The following CNTLN variants were observed in gnomAD, a reference collection of about 807,000 sequenced individuals.
CNTLN encodes centlein.
In CNTLN, 212 loss-of-function variants were observed where a neutral mutation model predicts 180.0. The observed-to-expected ratio is 1.18, with a 90% confidence interval of 1.05 to 1.32. The LOEUF is 1.32. CNTLN is among the 40% of genes most tolerant of loss of function. The pLI is 0.00. For synonymous variants in CNTLN, 722 were observed against 563.1 expected (o/e 1.28, Z -3.99); for missense variants, 2,095 against 1,610.9 (o/e 1.30, Z -5.14).
chr9:17,419,939 G>T (rs915327324), intron 18 of CNTLN, among the ~76,000 whole-genome samples: 8 of 152,116 alleles, frequency 5.3e-5, no homozygotes, highest in Non-Finnish European at 1.2e-4. Context: ...TTTTGAGACG[G>T]AGTCTCACTC....
At chr9:17,137,227 G>A (rs1817781194) in intron 1 of CNTLN, among the ~76,000 whole-genome samples, 1 of 152,112 alleles carries the variant, frequency 6.6e-6, no homozygotes, top group African/African-American at 2.4e-5. Flanking sequence ...TGATCTCTTA[G>A]ATTTTGTAAT....
intron 19 of CNTLN, among the ~76,000 whole-genome samples, chr9:17,461,330 C>G (rs1224185347): frequency 6.6e-6 from 1 of 151,572 alleles, no homozygotes; most frequent in Non-Finnish European, 1.5e-5. Context: ...ACTAGTGTGA[C>G]TAGTGTGGAA....
At chr9:17,381,942 A>G (rs1188826101) in intron 13 of CNTLN, among the ~76,000 whole-genome samples, 1 of 152,200 alleles carries the variant, frequency 6.6e-6, no homozygotes, top group Non-Finnish European at 1.5e-5. Context: ...TTCTAGGCTC[A>G]TTTATACCCA....
intron 25 of CNTLN, among the ~76,000 whole-genome samples, chr9:17,489,563 TA>T (rs977223253): frequency 1.3e-5 from 2 of 151,602 alleles, no homozygotes; most frequent in African/African-American, 4.9e-5. Context: ...TGCTTTCTGT[TA>T]AAAAAAATAT....
intron 21 of CNTLN, among the ~76,000 whole-genome samples, chr9:17,465,240 T>C (rs1831680473): frequency 6.6e-6 from 1 of 150,550 alleles, no homozygotes; most frequent in South Asian, 2.1e-4. Context: ...TTGTTGAAAA[T>C]GAAAATTTAA....
intron 2 of CNTLN, among the ~76,000 whole-genome samples, chr9:17,151,979 C>G (rs139431532): frequency 6.6e-6 from 1 of 151,916 alleles, no homozygotes; most frequent in Non-Finnish European, 1.5e-5. Context: ...TGATGGTAGT[C>G]TGTATTTCTT....
chr9:17,466,244 G>A (rs946742003), intron 22 of CNTLN, 126 bp downstream of exon 22: 1 of 737,998 alleles, frequency 1.4e-6, no homozygotes, highest in African/African-American at 1.8e-5. Context: ...TAAGTGCAAA[G>A]AGGATTTGTA....
intron 7 of CNTLN, chr9:17,301,194 C>T (rs1356540294): frequency 2.0e-6 from 2 of 985,274 alleles, no homozygotes; most frequent in African/African-American, 3.5e-5. Context: ...CAGAAATTCC[C>T]TAGTGTATGT....
intron 2 of CNTLN, among the ~76,000 whole-genome samples, chr9:17,154,896 C>G (rs140187372): frequency 0.014 from 2,191 of 152,290 alleles, 55 homozygotes; most frequent in African/African-American, 0.051. Context: ...AAGCTGTGTT[C>G]TTTTGCTCTT....
At chr9:17,201,335 G>T (rs1006336186) in intron 2 of CNTLN, among the ~76,000 whole-genome samples, 1 of 152,172 alleles carries the variant, frequency 6.6e-6, no homozygotes, top group African/African-American at 2.4e-5. Context: ...GTATCAGGAT[G>T]ATGCTGGCCT....
At chr9:17,467,746 T>G (rs1831831609) in intron 23 of CNTLN, among the ~76,000 whole-genome samples, 1 of 151,666 alleles carries the variant, frequency 6.6e-6, no homozygotes, top group Admixed American at 6.6e-5. Flanking sequence ...CTGTTTAACT[T>G]ATAGTGAACA....
intron 18 of CNTLN, among the ~76,000 whole-genome samples, chr9:17,419,002 A>G (rs1420190636): frequency 2.0e-5 from 3 of 152,148 alleles, no homozygotes; most frequent in Non-Finnish European, 2.9e-5. Context: ...GCTTAGAAGA[A>G]GAAATTTGAA....
At chr9:17,516,878 A>G in the CNTLN span, among the ~76,000 whole-genome samples, 1 of 152,204 alleles carries the variant, frequency 6.6e-6, no homozygotes, top group Non-Finnish European at 1.5e-5. Flanking sequence ...ATGTAATCCT[A>G]GTGCCTATAA....
chr9:17,515,858 C>G, the CNTLN span, among the ~76,000 whole-genome samples: 1 of 152,308 alleles, frequency 6.6e-6, no homozygotes, highest in Non-Finnish European at 1.5e-5. Flanking sequence ...GAGACCATGT[C>G]ATTCCTCTGC....
intron 18 of CNTLN, among the ~76,000 whole-genome samples, chr9:17,419,021 G>A (rs894062193): frequency 6.6e-6 from 1 of 152,012 alleles, no homozygotes; most frequent in East Asian, 1.9e-4. Flanking sequence ...AACTGTATAG[G>A]CCAAACTGCT....
At chr9:17,420,592 T>C (rs1390593910) in intron 18 of CNTLN, among the ~76,000 whole-genome samples, 2 of 152,070 alleles carry the variant, frequency 1.3e-5, no homozygotes, top group African/African-American at 4.8e-5. Context: ...TTTCTTCTAC[T>C]AATTTTGGGT....
At chr9:17,295,640 G>A (rs1360515197) in intron 6 of CNTLN, among the ~76,000 whole-genome samples, 3 of 152,048 alleles carry the variant, frequency 2.0e-5, no homozygotes, top group Non-Finnish European at 2.9e-5. Context: ...ATCTTGGCCC[G>A]CCCTGTTTTT....
chr9:17,197,586 T>G (rs989683269), intron 2 of CNTLN, among the ~76,000 whole-genome samples: 4 of 152,210 alleles, frequency 2.6e-5, no homozygotes, highest in Non-Finnish European at 4.4e-5. Context: ...ATTGGATTAT[T>G]ACATTTTTTC....
rs942891016 is a variant in CNTLN at position 17,366,667 on chromosome 9, A to G, written c.1937A>G (p.Asp646Gly). Reference sequence around the variant, plus strand: ...GAACTTAAAGTACATATATCTATTGATAAGGCAGCAATACAAGAATTGAAT... The same window carrying G: ...GAACTTAAAGTACATATATCTATTGGTAAGGCAGCAATACAAGAATTGAAT... ...LDELKVHISI[D>G]KAAIQELNRC... Residue 646 changes from aspartate to glycine, a missense_variant, in exon 13 of 26, where the codon GAT (aspartate) becomes GGT (glycine). Coordinates refer to ENST00000380647, the MANE Select transcript of CNTLN (RefSeq NM_017738.4). 3 of 1,590,488 alleles carry G rather than the reference A, an allele frequency of 1.9e-6. No homozygotes were observed. The highest frequency in any genetic ancestry group is 1.7e-5 in the Admixed American group (1 of 57,732).
Sources: gnomAD v4.1 joint callset for allele counts (sites outside exome capture counted in the v4.1 genomes callset) on GRCh38, gnomAD v4.1.1 for gene constraint, MANE v1.5 for transcripts, NCBI Gene and HGNC (gene_info 2026-07-23, HGNC 2026-07-21) for gene names.